The following SLC4A4 variants were observed in gnomAD, a reference collection of about 807,000 sequenced individuals.
SLC4A4 encodes solute carrier family 4 member 4.
In SLC4A4, 27 loss-of-function variants were observed where a neutral mutation model predicts 111.5. The ratio of observed to expected loss-of-function variants is 0.24; its 90% CI spans 0.18 to 0.33. SLC4A4 has a LOEUF of 0.33. Among genes scored for constraint, SLC4A4 ranks in the 10% least tolerant of loss-of-function variants. The pLI is 1.00. For synonymous variants in SLC4A4, 443 were observed against 463.4 expected (o/e 0.96, Z 0.57); for missense variants, 909 against 1,315.5 (o/e 0.69, Z 4.78).
chr4:71,516,863 T>C (rs1482205215), intron 16 of SLC4A4, among the ~76,000 whole-genome samples: 1 of 152,166 alleles, frequency 6.6e-6, no homozygotes, highest in Admixed American at 6.5e-5. Flanking sequence ...AAAGAGTAGG[T>C]GTCTGTAGTC....
At position 71,357,245 on chromosome 4, in the gene SLC4A4, C is replaced by CCGTCT. The variant is rs1578909081; in HGVS notation, c.730+60_730+64dup. On this transcript the variant is annotated intron_variant, in intron 6 of 25. Transcript: ENST00000264485. ...CTTACTTATTTCACTCACCTTTACACCGTCTCCTGTCATCTTTGTTTTAAC... is the reference window on the plus strand; with the variant it reads ...CTTACTTATTTCACTCACCTTTACACCGTCTCGTCTCCTGTCATCTTTGTTTTAAC... 11 of 1,515,164 alleles carry CCGTCT rather than the reference C, an allele frequency of 7.3e-6. No homozygotes were observed. In the East Asian group the frequency reaches 2.2e-4, roughly 31 times the overall value. The allele number at this position is 1,515,164 out of a possible 1,614,324, so 93.9% of individuals were successfully genotyped here. A position where few individuals can be genotyped will look rare whatever the true frequency, so the allele number is the denominator to read the frequency against.
chr4:71,186,222 A>G (rs529581457), upstream of SLC4A4, among the ~76,000 whole-genome samples: 1 of 152,334 alleles, frequency 6.6e-6, no homozygotes, highest in South Asian at 2.1e-4. Context: ...CTGTTTTCCT[A>G]ACTCCCAAGG....
chr4:71,126,417 G>A (rs896869706), intron 2 of SLC4A4, among the ~76,000 whole-genome samples: 2 of 152,058 alleles, frequency 1.3e-5, no homozygotes, highest in South Asian at 4.1e-4. Flanking sequence ...TATTTGTTCT[G>A]CTATTTGGTG....
intron 13 of SLC4A4, among the ~76,000 whole-genome samples, chr4:71,467,716 C>T (rs1727504850): frequency 6.6e-6 from 1 of 151,986 alleles, no homozygotes; most frequent in African/African-American, 2.4e-5. Context: ...ACGTGAGTTT[C>T]CCCAAGTGGC....
intron 12 of SLC4A4, among the ~76,000 whole-genome samples, chr4:71,464,683 C>T (rs999926691): frequency 2.6e-5 from 4 of 152,176 alleles, no homozygotes; most frequent in East Asian, 1.9e-4. Flanking sequence ...TTTTATCCAC[C>T]GTCATCCCAA....
chr4:71,561,559 T>G (rs1482826026), intron 23 of SLC4A4, among the ~76,000 whole-genome samples: 1 of 151,534 alleles, frequency 6.6e-6, no homozygotes, highest in East Asian at 1.9e-4. Context: ...ATTGATTCAA[T>G]AAGAAAAAGG....
chr4:71,232,544 T>C (rs1719503637), intron 1 of SLC4A4, among the ~76,000 whole-genome samples: 1 of 152,108 alleles, frequency 6.6e-6, no homozygotes, highest in African/African-American at 2.4e-5. Flanking sequence ...CCCACGTAGC[T>C]GGGACAACAG....
intron 2 of SLC4A4, among the ~76,000 whole-genome samples, chr4:71,099,261 C>T (rs974994274): frequency 6.6e-5 from 10 of 152,016 alleles, no homozygotes; most frequent in Admixed American, 5.9e-4. Context: ...ACTTTTGGAC[C>T]ATAGTGTGAT....
chr4:71,068,098 C>G (rs529011235), intron 1 of SLC4A4, among the ~76,000 whole-genome samples: 1 of 115,436 alleles, frequency 8.7e-6, no homozygotes, highest in African/African-American at 3.4e-5. Flanking sequence ...GAGTTTTGCT[C>G]TTGTCGCCCA....
chr4:71,194,124 T>A (rs1578575455), intron 1 of SLC4A4, among the ~76,000 whole-genome samples: 1 of 152,340 alleles, frequency 6.6e-6, no homozygotes, highest in Middle Eastern at 3.4e-3. Flanking sequence ...AAGGTATGAA[T>A]TGAACATCTA....
chr4:71,347,649 A>G (rs1016820880), intron 4 of SLC4A4, among the ~76,000 whole-genome samples: 4 of 152,162 alleles, frequency 2.6e-5, no homozygotes, highest in African/African-American at 9.6e-5. Flanking sequence ...TTCAGACCAT[A>G]GAGAGGATGA....
chr4:71,506,107 G>T (rs1454238810), intron 16 of SLC4A4, among the ~76,000 whole-genome samples: 1 of 152,126 alleles, frequency 6.6e-6, no homozygotes, highest in Non-Finnish European at 1.5e-5. Flanking sequence ...GTAGTTTGAA[G>T]TCAGGTAGCA....
chr4:71,178,679 C>A (rs1447964747), intron 2 of SLC4A4, among the ~76,000 whole-genome samples: 7 of 152,154 alleles, frequency 4.6e-5, no homozygotes, highest in Non-Finnish European at 7.4e-5. Flanking sequence ...TCTGAATAGA[C>A]CAATAACAGG....
Position 71,386,616 on chromosome 4 carries a change from A to C in SLC4A4, c.731-10961A>C, listed in dbSNP as rs189375148. Among the ~76,000 whole-genome samples the C allele has an allele frequency of 3.3e-5, 5 of 152,034 alleles. No individual in the cohort carries two copies. The East Asian group carries it at 9.6e-4, about 29-fold the overall frequency. On this transcript the variant is annotated intron_variant, in intron 6 of 25. Transcript: ENST00000264485. ...TTTTTTTGGCTGTATGTATAATCTC[A>C]TACATATAGGTTTTAAGGTAATTAT...
chr4:71,475,638 G>T (rs1728294930), intron 14 of SLC4A4, among the ~76,000 whole-genome samples: 1 of 151,908 alleles, frequency 6.6e-6, no homozygotes, highest in African/African-American at 2.4e-5. Flanking sequence ...AGAAGATCCT[G>T]TATTCAAGTC....
At chr4:71,169,681 G>C (rs1274459506) in intron 2 of SLC4A4, among the ~76,000 whole-genome samples, 1 of 152,064 alleles carries the variant, frequency 6.6e-6, no homozygotes, top group Non-Finnish European at 1.5e-5. Context: ...ATAAGACTGG[G>C]TAATTTATAA....
intron 18 of SLC4A4, among the ~76,000 whole-genome samples, chr4:71,536,450 A>G (rs1734429380): frequency 7.7e-5 from 2 of 25,880 alleles, no homozygotes; most frequent in South Asian, 1.8e-3. Context: ...GCATATATAC[A>G]TATATACATA....
At chr4:71,364,912 G>A (rs1010439336) in intron 6 of SLC4A4, among the ~76,000 whole-genome samples, 2 of 151,914 alleles carry the variant, frequency 1.3e-5, no homozygotes, top group Non-Finnish European at 2.9e-5. Context: ...TCATTTATAC[G>A]AAAATATTCT....
At chr4:71,110,098 C>G (rs1578489250) in intron 2 of SLC4A4, among the ~76,000 whole-genome samples, 1 of 152,296 alleles carries the variant, frequency 6.6e-6, no homozygotes, top group Admixed American at 6.5e-5. Context: ...ATCGTTGCAT[C>G]AGGCAGATTG....
Sources: allele counts gnomAD v4.1 joint callset (sites outside exome capture counted in the v4.1 genomes callset), GRCh38; gene constraint gnomAD v4.1.1; transcripts MANE v1.5; gene names NCBI Gene and HGNC (gene_info 2026-07-23, HGNC 2026-07-21).